DCDC2C: variants seen among roughly 807,000 people sequenced by gnomAD.
DCDC2C encodes doublecortin domain containing 2C.
Under a neutral mutation model 45.0 loss-of-function variants are expected in DCDC2C, and 44 were observed. That is an observed-to-expected ratio of 0.98 (90% CI 0.77 to 1.26). DCDC2C has a LOEUF of 1.26. DCDC2C is among the 50% of genes most tolerant of loss of function. The pLI is 0.00. For synonymous variants in DCDC2C, 187 were observed against 178.8 expected, an observed-to-expected ratio of 1.05 and a Z score of -0.37; for missense variants, 447 against 468.9, an observed-to-expected ratio of 0.95 and a Z score of 0.43.
chr2:3,834,115 C>T lies in DCDC2C; in HGVS notation c.1066-13039C>T, dbSNP rs117789364. Among the ~76,000 whole-genome samples the T allele has an allele frequency of 1.0e-3, 146 of 141,670 alleles. 4 individuals carry two copies. In the East Asian group the frequency reaches 0.029, roughly 29 times the overall value. 92.9% of individuals were successfully genotyped at this position (141,670 alleles called of 152,430 possible). ...CTGCCCCCCCTACCTCCATCCCTGG[C>T]CCAAGCCTCCCCTGCTGTCAGCATC... On this transcript the variant is annotated intron_variant, in intron 10 of 10. Transcript: ENST00000399143.
intron 10 of DCDC2C, among the ~76,000 whole-genome samples, chr2:3,843,992 T>C (rs1672271310): frequency 6.6e-6 from 1 of 152,220 alleles, no homozygotes. Context: ...TGTTTGTCTT[T>C]TTATGATTTA....
intron 8 of DCDC2C, among the ~76,000 whole-genome samples, chr2:3,776,700 A>AT (rs1471744081): frequency 6.6e-6 from 1 of 152,166 alleles, no homozygotes; most frequent in African/African-American, 2.4e-5. Flanking sequence ...GTGATATAAA[A>AT]TTCTGTATCA....
intron 6 of DCDC2C, among the ~76,000 whole-genome samples, chr2:3,759,998 C>A (rs1210050045): frequency 6.6e-6 from 1 of 152,238 alleles, no homozygotes; most frequent in African/African-American, 2.4e-5. Flanking sequence ...GGAATCCCAG[C>A]TGTACTTAAC....
intron 2 of DCDC2C, among the ~76,000 whole-genome samples, chr2:3,723,007 A>G (rs547386414): frequency 9.2e-5 from 14 of 152,344 alleles, no homozygotes; most frequent in African/African-American, 3.1e-4. Flanking sequence ...TTTTATATAT[A>G]GTATGATAAT....
At chr2:3,782,727 C>T (rs954263667) in intron 9 of DCDC2C, among the ~76,000 whole-genome samples, 1 of 152,182 alleles carries the variant, frequency 6.6e-6, no homozygotes, top group African/African-American at 2.4e-5. Flanking sequence ...GATCCACCCA[C>T]GTTGGCCTCC....
At chr2:3,785,289 C>A (rs974248403) in intron 10 of DCDC2C, among the ~76,000 whole-genome samples, 189 bp downstream of exon 10, 1 of 152,164 alleles carries the variant, frequency 6.6e-6, no homozygotes, top group South Asian at 2.1e-4. Context: ...AGCATAATCA[C>A]GGCCTTTCAC....
intron 4 of DCDC2C, among the ~76,000 whole-genome samples, chr2:3,747,625 C>T (rs556304080): frequency 8.5e-5 from 13 of 152,354 alleles, no homozygotes; most frequent in African/African-American, 2.6e-4. Flanking sequence ...ACACTGGACA[C>T]GTTGGGTGTG....
chr2:3,704,212 G>A (rs1667970111), intron 1 of DCDC2C, 174 bp downstream of exon 1: 1 of 559,540 alleles, frequency 1.8e-6, no homozygotes, highest in Non-Finnish European at 2.7e-6. Flanking sequence ...AGGCCACGTG[G>A]TTTCCTGGGG....
chr2:3,709,074 TA>T (rs1269970814), intron 2 of DCDC2C, among the ~76,000 whole-genome samples: 1 of 152,192 alleles, frequency 6.6e-6, no homozygotes, highest in Non-Finnish European at 1.5e-5. Flanking sequence ...TTAGTAAAAA[TA>T]ACCATTTAAT....
intron 8 of DCDC2C, among the ~76,000 whole-genome samples, chr2:3,770,921 C>T (rs1401878919): frequency 6.6e-6 from 1 of 152,210 alleles, no homozygotes; most frequent in African/African-American, 2.4e-5. Context: ...TGGGATGCTC[C>T]ACCCACCAGC....
At chr2:3,715,832 G>T (rs1286797113) in intron 2 of DCDC2C, among the ~76,000 whole-genome samples, 1 of 152,188 alleles carries the variant, frequency 6.6e-6, no homozygotes, top group African/African-American at 2.4e-5. Flanking sequence ...ATTTCAGGTG[G>T]TGAGACAGAT....
chr2:3,749,829 T>C (rs73144850), intron 4 of DCDC2C, among the ~76,000 whole-genome samples: 154 of 152,144 alleles, frequency 1.0e-3, no homozygotes, highest in African/African-American at 3.5e-3. Context: ...GCACACAACT[T>C]CCTAGAAGCA....
chr2:3,748,241 A>G (rs1414996033), intron 4 of DCDC2C, among the ~76,000 whole-genome samples: 1 of 152,040 alleles, frequency 6.6e-6, no homozygotes, highest in South Asian at 2.1e-4. Context: ...GGAGGCTCCT[A>G]CAGGTGATCT....
chr2:3,777,020 A>G (rs1177513803), intron 8 of DCDC2C, among the ~76,000 whole-genome samples: 2 of 151,992 alleles, frequency 1.3e-5, no homozygotes, highest in Non-Finnish European at 2.9e-5. Context: ...CTGTGTTACC[A>G]TCTCTCTGGT....
At chr2:3,782,543 A>G (rs533456033) in intron 9 of DCDC2C, among the ~76,000 whole-genome samples, 4 of 149,370 alleles carry the variant, frequency 2.7e-5, no homozygotes, top group African/African-American at 9.9e-5. Context: ...CAGTGGTGCT[A>G]TCTCGGCTCA....
intron 4 of DCDC2C, among the ~76,000 whole-genome samples, chr2:3,750,433 C>T (rs903465623): frequency 1.3e-5 from 2 of 152,102 alleles, no homozygotes; most frequent in Admixed American, 6.5e-5. Context: ...ATTTTCTTGG[C>T]GTGGGTGTCT....
intron 4 of DCDC2C, 137 bp downstream of exon 4, chr2:3,742,185 A>G: frequency 9.2e-7 from 1 of 1,089,168 alleles, no homozygotes; most frequent in Non-Finnish European, 1.2e-6. Context: ...TCAAGCAGAT[A>G]GTATTTTCTC....
intron 10 of DCDC2C, among the ~76,000 whole-genome samples, chr2:3,835,007 T>C (rs1372699136): frequency 2.0e-5 from 3 of 152,242 alleles, no homozygotes; most frequent in Admixed American, 2.0e-4. Flanking sequence ...TACTTTCCCA[T>C]GGCCACATAA....
intron 10 of DCDC2C, among the ~76,000 whole-genome samples, chr2:3,831,404 C>T (rs1217683292): frequency 6.6e-6 from 1 of 152,174 alleles, no homozygotes; most frequent in Non-Finnish European, 1.5e-5. Flanking sequence ...TTGCCTATTG[C>T]CCAGACTGCA....
Sources: gnomAD v4.1 joint callset for allele counts (sites outside exome capture counted in the v4.1 genomes callset) on GRCh38, gnomAD v4.1.1 for gene constraint, MANE v1.5 for transcripts, NCBI Gene and HGNC (gene_info 2026-07-23, HGNC 2026-07-21) for gene names.